Variants in SPTAN1 observed in about 807,000 individuals in gnomAD.
SPTAN1 encodes the protein spectrin alpha chain, non-erythrocytic 1.
A neutral mutation model predicts 331.3 loss-of-function variants in SPTAN1; 61 were observed. That is an observed-to-expected ratio of 0.18 (90% CI 0.15 to 0.23). The LOEUF (loss-of-function observed/expected upper bound fraction) is 0.23. Among genes scored for constraint, SPTAN1 ranks in the 10% least tolerant of loss-of-function variants. The pLI is 1.00. For missense variants in SPTAN1, 2,043 were observed against 3,147.9 expected, an observed-to-expected ratio of 0.65 and a Z score of 8.40; for synonymous variants, 1,153 against 1,173.9, an observed-to-expected ratio of 0.98 and a Z score of 0.36.
chr9:128,566,105 G>A (rs912000137), intron 1 of SPTAN1, among the ~76,000 whole-genome samples: 4 of 152,176 alleles, frequency 2.6e-5, no homozygotes, highest in Non-Finnish European at 5.9e-5. Context: ...CACCCAGGGC[G>A]GAGCGCAGTG....
At chr9:128,587,553 G>A in intron 19 of SPTAN1, 53 bp from the exon 20 acceptor site, 1 of 1,495,102 alleles carries the variant, frequency 6.7e-7, no homozygotes, top group South Asian at 1.1e-5. Context: ...AGGCAGTGGA[G>A]GATGGGAGGC....
Position 128,608,052 on chromosome 9 carries a change from G to T in SPTAN1, c.4344+3G>T, listed in dbSNP as rs753197188. ...TGGATCAGTGCCTTGAACTGCAGGTGTGTGTGCTCCTGGTTTCTGACCAAG... is the reference window on the plus strand; with the variant it reads ...TGGATCAGTGCCTTGAACTGCAGGTTTGTGTGCTCCTGGTTTCTGACCAAG... On this transcript the variant is annotated splice_donor_region_variant and intron_variant, in intron 33 of 56. Coordinates refer to ENST00000372739, the MANE Select transcript of SPTAN1 (RefSeq NM_001130438.3). 1.2e-6 allele frequency: 2 copies of T among 1,614,166 alleles called. No individual in the cohort carries two copies. Among genetic ancestry groups the T allele is most frequent in the Non-Finnish European group, 1.7e-6 (2 of 1,180,032 alleles).
In SPTAN1 at chr9:128,575,592, G is replaced by C. The variant is rs569309089; in HGVS notation, c.651+247G>C. On this transcript the variant is annotated intron_variant, in intron 5 of 56. Transcript: ENST00000372739. The stretch of plus-strand genomic sequence containing the variant: ...TGATCTGTTTCCTCTACCCACTTTT[G>C]GGTAGGGCTGGGTGAAGCTTTTATT... Among the ~76,000 whole-genome samples, 5 of 152,328 alleles carry C rather than the reference G, an allele frequency of 3.3e-5. No homozygotes were observed. In the South Asian group the frequency reaches 1.0e-3, roughly 32 times the overall value.
chr9:128,592,968 G>A lies in SPTAN1; in HGVS notation c.3156-15G>A, dbSNP rs374756919. ...ACTAATTCGTGCATGCTTTTGCTGTGCCCCCTCTGTGCAGGACACGCATAA... is the reference window on the plus strand; with the variant it reads ...ACTAATTCGTGCATGCTTTTGCTGTACCCCCTCTGTGCAGGACACGCATAA... On this transcript the variant is annotated splice_polypyrimidine_tract_variant and intron_variant, in intron 22 of 56. Coordinates refer to ENST00000372739, the MANE Select transcript of SPTAN1 (RefSeq NM_001130438.3). 1.6e-5 allele frequency: 25 copies of A among 1,601,818 alleles called. No homozygotes were observed. The highest frequency in any genetic ancestry group is 2.0e-5 in the Non-Finnish European group (24 of 1,173,426).
In SPTAN1 at chr9:128,627,464, G is replaced by A; in HGVS notation, c.6655G>A (p.Ala2219Thr). Reference protein sequence around the residue: ...DKLRQEFAQHANAFHQWIQET... With the variant: ...DKLRQEFAQHTNAFHQWIQET... Reference sequence around the variant, plus strand: ...GCTGCGCCAGGAGTTTGCCCAGCACGCCAACGCCTTCCACCAGTGGATCCA... The same window carrying A: ...GCTGCGCCAGGAGTTTGCCCAGCACACCAACGCCTTCCACCAGTGGATCCA... The change falls in exon 50 of 57, where the codon GCC (alanine) becomes ACC (threonine). Residue 2219 changes from alanine to threonine, a missense_variant. Ala to Thr is a moderately conservative substitution (Grantham distance 58, BLOSUM62 0). Around this residue, in one of 12 missense-constraint regions of SPTAN1, gnomAD observed 256 missense variants for 376.4 expected, o/e 0.68. Transcript: ENST00000372739. This position sits in a 1 kb window ranked among gnomAD's most constrained non-coding sequence, Gnocchi z 4.9. 1.9e-6 allele frequency: 3 copies of A among 1,551,132 alleles called. No homozygotes were observed. The highest frequency in any genetic ancestry group is 2.6e-6 in the Non-Finnish European group (3 of 1,147,058).
chr9:128,574,040 G>A (rs1316686252), intron 3 of SPTAN1, among the ~76,000 whole-genome samples: 4 of 152,086 alleles, frequency 2.6e-5, no homozygotes, highest in African/African-American at 9.7e-5. Flanking sequence ...GGCATGAGCC[G>A]CTGCACCCAG....
At position 128,568,743 on chromosome 9, in the gene SPTAN1, C is replaced by T. The variant is rs538283243; in HGVS notation, c.238-29C>T. ...AAATGCTGATGCTGTGTGGTTGCGT[C>T]TGAGGCTCACTTCAAGGTCCGCCAA... is the stretch of plus-strand genomic sequence containing the variant. On this transcript the variant is annotated intron_variant, in intron 2 of 56. Transcript: ENST00000372739. 2.1e-5 allele frequency: 34 copies of T among 1,613,510 alleles called. No homozygotes were observed. The East Asian group carries it at 7.6e-4, about 36-fold the overall frequency.
In SPTAN1 at chr9:128,618,099, C is replaced by T; in HGVS notation, c.5591C>T (p.Ala1864Val). 6.2e-7 allele frequency: 1 copy of T among 1,613,450 alleles called. No homozygotes were observed. ...CACTGGAAAGAGCTGAAGCAGCTGG[C>T]AGCTGCCCGGTGAGTAGTCAGAGGC... is the stretch of plus-strand genomic sequence containing the variant. The part of the protein sequence containing the change: ...VEHWKELKQL[A>V]AARGQRLEES... The change falls in exon 43 of 57, where the codon GCA (alanine) becomes GTA (valine). Residue 1864 changes from alanine (A) to valine (V), a missense_variant. By Grantham distance (64) the Ala-to-Val change is moderately conservative (BLOSUM62 0). This residue lies in a region of SPTAN1 where 323 missense variants were observed against 581.1 expected (regional missense o/e 0.56). Transcript: ENST00000372739.
chr9:128,555,297 T>C, intron 1 of SPTAN1: 1 of 1,186,362 alleles, frequency 8.4e-7, no homozygotes, highest in Non-Finnish European at 1.1e-6. Flanking sequence ...CATGATTTTG[T>C]TCCGTTTGCC....
intron 1 of SPTAN1, among the ~76,000 whole-genome samples, chr9:128,561,283 G>A (rs1023929437): frequency 6.6e-6 from 1 of 151,252 alleles, no homozygotes; most frequent in Admixed American, 6.6e-5. Flanking sequence ...TGAGGCAGGA[G>A]AATTGCTTGA....
Position 128,632,205 on chromosome 9 carries a change from C to A in SPTAN1, c.6841C>A (p.Leu2281Ile), listed in dbSNP as rs1341044436. 6.2e-7 allele frequency: 1 copy of A among 1,613,520 alleles called. No individual in the cohort carries two copies. Among genetic ancestry groups the A allele is most frequent in the Admixed American group, 1.7e-5 (1 of 60,022 alleles). Residue 2281 changes from leucine (L) to isoleucine (I), a missense_variant, in exon 53 of 57, where the codon CTC becomes ATC. Leu to Ile is a conservative substitution (Grantham distance 5). Coordinates refer to ENST00000372739, the MANE Select transcript of SPTAN1 (RefSeq NM_001130438.3). ...EDLGAAMEEA[L>I]ILDNKYTEHS... is the part of the protein sequence containing the mutation. ...CCTGGGGGCCGCCATGGAGGAGGCC[C>A]TCATCCTGGACAACAAGTACACGGA...
At chr9:128,569,165 A>G (rs915350967) in intron 3 of SPTAN1, among the ~76,000 whole-genome samples, 12 of 152,352 alleles carry the variant, frequency 7.9e-5, no homozygotes, top group Admixed American at 7.2e-4. Flanking sequence ...TGTGAATTTA[A>G]CATTTATAAG....
intron 46 of SPTAN1, 46 bp downstream of exon 46, chr9:128,624,533 CTT>C: frequency 5.0e-6 from 8 of 1,604,478 alleles, no homozygotes; most frequent in Non-Finnish European, 6.8e-6. Flanking sequence ...CAGAGCTGCT[CTT>C]TGTCTCCTTC....
intron 2 of SPTAN1, 82 bp from the exon 3 acceptor site, chr9:128,568,690 G>C: frequency 6.3e-7 from 1 of 1,589,676 alleles, no homozygotes; most frequent in Non-Finnish European, 8.6e-7. Flanking sequence ...GATTGAGGAG[G>C]GGAGGAACAC....
At chr9:128,599,716 C>G in intron 26 of SPTAN1, 3 of 180,866 alleles carry the variant, frequency 1.7e-5, no homozygotes, top group Non-Finnish European at 2.2e-5. Flanking sequence ...AGTCTTCTGT[C>G]TCTTCAGTTT....
chr9:128,599,069 A>G (rs564135257), intron 26 of SPTAN1, 83 bp downstream of exon 26: 2 of 1,344,592 alleles, frequency 1.5e-6, no homozygotes, highest in Admixed American at 1.7e-5. Context: ...GAACTTCTTC[A>G]TCAGAATTGC....
At position 128,583,800 on chromosome 9, in the gene SPTAN1, G is replaced by A. The variant is rs748338558; in HGVS notation, c.2024G>A (p.Arg675His). The change falls in exon 16 of 57, where the codon CGT becomes CAT. Residue 675 changes from arginine (R) to histidine (H), a missense_variant. Physicochemically the swap from Arg to His is conservative, Grantham distance 29. Transcript: ENST00000372739. ...EATELKGIKL[R>H]EANQQQQFNR... Reference sequence around the variant, plus strand: ...TTTTCTTCCATAGGAATAAAGCTTCGTGAAGCCAACCAGCAACAGCAATTT... The same window carrying A: ...TTTTCTTCCATAGGAATAAAGCTTCATGAAGCCAACCAGCAACAGCAATTT... 11 of 1,614,126 alleles carry A rather than the reference G, an allele frequency of 6.8e-6. No homozygotes were observed. The highest frequency in any genetic ancestry group is 1.7e-5 in the Admixed American group (1 of 60,022).
chr9:128,624,424 C>T lies in SPTAN1; in HGVS notation c.5929C>T (p.Leu1977=), dbSNP rs745668882. 6.2e-7 allele frequency: 1 copy of T among 1,613,896 alleles called. No homozygotes were observed. Among genetic ancestry groups the T allele is most frequent in the African/African-American group, 1.3e-5 (1 of 74,918 alleles). The change falls in exon 46 of 57, where the codon CTG becomes TTG. Residue 1977 remains leucine (L), a synonymous_variant. Transcript: ENST00000372739. The stretch of plus-strand genomic sequence containing the variant: ...AGCTGCAGCCCAGAGAAAGGCGAAG[C>T]TGGATGAGAACTCGGCCTTCCTTCA... ...EKAAAQRKAK[L]DENSAFLQFN...
chr9:128,604,456 G>A (rs778555189), intron 29 of SPTAN1, 39 bp downstream of exon 29: 1 of 1,581,170 alleles, frequency 6.3e-7, no homozygotes, highest in Non-Finnish European at 8.6e-7. Context: ...GGAGAAACAG[G>A]TGACTGCTGG....
Sources: allele counts gnomAD v4.1 joint callset (sites outside exome capture counted in the v4.1 genomes callset), GRCh38; gene constraint gnomAD v4.1.1; regional missense constraint gnomAD v4.1.1; non-coding constraint Gnocchi (gnomAD v3.1); transcripts MANE v1.5; gene names NCBI Gene and HGNC (gene_info 2026-07-23, HGNC 2026-07-21).